PTPRD: variants seen among roughly 807,000 people sequenced by gnomAD.
PTPRD encodes protein tyrosine phosphatase receptor type D, also known as receptor-type tyrosine-protein phosphatase delta.
In PTPRD, 34 loss-of-function variants were observed where a neutral mutation model predicts 214.5. The ratio of observed to expected loss-of-function variants is 0.16; its 90% CI spans 0.12 to 0.21. The LOEUF (loss-of-function observed/expected upper bound fraction) is 0.21, where lower values mean the gene tolerates loss of function less well. Among genes scored for constraint, PTPRD ranks in the 10% least tolerant of loss-of-function variants. The probability of loss-of-function intolerance (pLI) is 1.00; values close to 1 mark genes in which losing one functional copy is unlikely to be tolerated. For missense variants in PTPRD, 2,545 were observed against 2,398.7 expected (o/e 1.06, Z -1.27); for synonymous variants, 1,128 against 845.7 (o/e 1.33, Z -5.79).
intron 9 of PTPRD, among the ~76,000 whole-genome samples, chr9:9,208,020 C>CTATTTTTTTTTTTTTTTTTTTTTTTTTTT: frequency 1.9e-5 from 1 of 53,260 alleles, no homozygotes; most frequent in Non-Finnish European, 3.8e-5. Flanking sequence ...TATATATCTG[C>CTATTTTTTTTTTTTTTTTTTTTTTTTTTT]TTTTTTTTTT....
At chr9:9,294,176 T>C (rs1280284066) in intron 9 of PTPRD, among the ~76,000 whole-genome samples, 2 of 151,656 alleles carry the variant, frequency 1.3e-5, no homozygotes, top group African/African-American at 4.8e-5. Context: ...CTACTAAGAA[T>C]GTTGTGAAAT....
intron 33 of PTPRD, among the ~76,000 whole-genome samples, chr9:8,458,511 C>A (rs1187971246): frequency 6.6e-6 from 1 of 151,964 alleles, no homozygotes; most frequent in Non-Finnish European, 1.5e-5. Context: ...GTTTTTTGAC[C>A]TACTCCCATA....
intron 27 of PTPRD, among the ~76,000 whole-genome samples, chr9:8,488,442 T>G (rs2097080932): frequency 6.6e-6 from 1 of 152,166 alleles, no homozygotes; most frequent in African/African-American, 2.4e-5. Flanking sequence ...ATAAAACATG[T>G]GTGTTGTGTT....
intron 9 of PTPRD, among the ~76,000 whole-genome samples, chr9:9,269,720 C>A (rs914817865): frequency 6.6e-6 from 1 of 151,144 alleles, no homozygotes; most frequent in African/African-American, 2.4e-5. Flanking sequence ...ATGGATGAAC[C>A]TGGAACACAT....
At chr9:10,237,723 G>T (rs1268406683) in intron 3 of PTPRD, among the ~76,000 whole-genome samples, 1 of 151,766 alleles carries the variant, frequency 6.6e-6, no homozygotes, top group Non-Finnish European at 1.5e-5. Context: ...CATGTTAAAT[G>T]AAAAACAAAA....
intron 12 of PTPRD, among the ~76,000 whole-genome samples, chr9:8,677,755 G>A (rs1014271592): frequency 6.6e-6 from 1 of 152,180 alleles, no homozygotes; most frequent in Non-Finnish European, 1.5e-5. Context: ...ATAGCAAAAT[G>A]TCTGATTTCC....
chr9:9,083,064 A>C lies in PTPRD; in HGVS notation c.-142-64329T>G, dbSNP rs377174847. Among the ~76,000 whole-genome samples the C allele has an allele frequency of 1.2e-4, 19 of 152,302 alleles. No homozygotes were observed. In the South Asian group the frequency reaches 3.7e-3, roughly 30 times the overall value. On this transcript the variant is annotated intron_variant, in intron 10 of 45. Coordinates refer to ENST00000381196, the MANE Select transcript of PTPRD (RefSeq NM_002839.4). The stretch of plus-strand genomic sequence containing the variant: ...TAGAAAAAACTACCTTAAATTTCAT[A>C]TGGAACCAGAAAAGAACCTGTATAG...
At chr9:8,552,286 A>T (rs1214590328) in intron 14 of PTPRD, among the ~76,000 whole-genome samples, 1 of 152,176 alleles carries the variant, frequency 6.6e-6, no homozygotes, top group Non-Finnish European at 1.5e-5. Flanking sequence ...TCTGGGAAAA[A>T]TCATTGTATG....
At chr9:9,103,423 A>AT (rs2099794059) in intron 10 of PTPRD, among the ~76,000 whole-genome samples, 1 of 152,140 alleles carries the variant, frequency 6.6e-6, no homozygotes, top group Admixed American at 6.5e-5. Flanking sequence ...AATTTTCGTA[A>AT]GTAATTATGG....
chr9:9,191,766 A>T (rs541778994), intron 9 of PTPRD, among the ~76,000 whole-genome samples: 12 of 152,220 alleles, frequency 7.9e-5, no homozygotes, highest in Middle Eastern at 3.4e-3. Flanking sequence ...ATTAATTAAT[A>T]AAATTTATAT....
chr9:9,767,883 G>C (rs1011313681), intron 5 of PTPRD, among the ~76,000 whole-genome samples: 8 of 152,048 alleles, frequency 5.3e-5, no homozygotes, highest in African/African-American at 1.9e-4. Context: ...ATGATTTAAG[G>C]GATTGGTTGT....
intron 12 of PTPRD, among the ~76,000 whole-genome samples, chr9:8,702,735 G>A (rs1382573008): frequency 1.3e-5 from 2 of 152,062 alleles, no homozygotes; most frequent in Non-Finnish European, 2.9e-5. Flanking sequence ...AGCCTCCCCA[G>A]TAGCTGGGAT....
At position 8,330,997 on chromosome 9, in the gene PTPRD, CTTGCTATTTAT is replaced by C. The variant is rs571245594; in HGVS notation, c.5534+574_5534+584del. ...TTATGGTGAATGTCTGAACTATTTA[CTTGCTATTTAT>C]TTCTATTAACTTCAATGACTTGAGT... On this transcript the variant is annotated intron_variant, in intron 44 of 45. Coordinates refer to ENST00000381196, the MANE Select transcript of PTPRD (RefSeq NM_002839.4). Among the ~76,000 whole-genome samples the C allele has an allele frequency of 2.2e-3, 336 of 151,364 alleles. 1 individual carries two copies. The highest frequency in any genetic ancestry group is 7.8e-3 in the African/African-American group (320 of 40,780).
At chr9:8,796,790 T>C (rs528459463) in intron 11 of PTPRD, among the ~76,000 whole-genome samples, 2 of 152,300 alleles carry the variant, frequency 1.3e-5, no homozygotes, top group African/African-American at 2.4e-5. Flanking sequence ...CAAGTTCCCA[T>C]AATTTATTTT....
intron 9 of PTPRD, among the ~76,000 whole-genome samples, chr9:9,391,376 T>G (rs1250782622): frequency 6.6e-6 from 1 of 152,182 alleles, no homozygotes; most frequent in Non-Finnish European, 1.5e-5. Flanking sequence ...ATAAAAAATA[T>G]AAGACTTGAT....
intron 10 of PTPRD, among the ~76,000 whole-genome samples, chr9:9,122,079 CA>C (rs1242522702): frequency 1.3e-5 from 2 of 152,058 alleles, no homozygotes; most frequent in South Asian, 4.1e-4. Context: ...TGATAGAAAA[CA>C]AAAAAAGTAG....
intron 2 of PTPRD, among the ~76,000 whole-genome samples, chr9:10,468,082 A>C (rs2099006272): frequency 6.6e-6 from 1 of 152,220 alleles, no homozygotes; most frequent in Non-Finnish European, 1.5e-5. Context: ...CCATTGTGGA[A>C]GACAATGTGG....
chr9:10,122,271 G>A lies in PTPRD; in HGVS notation c.-544-88481C>T, dbSNP rs184257442. Among the ~76,000 whole-genome samples the A allele has an allele frequency of 3.9e-5, 6 of 152,214 alleles. No homozygotes were observed. In the East Asian group the frequency reaches 5.8e-4, roughly 15 times the overall value. On this transcript the variant is annotated intron_variant, in intron 3 of 45. Transcript: ENST00000381196. Reference sequence around the variant, plus strand: ...TGCAGTGAGCTGAGATTGTGTCACTGCACTCCAGCCTTGGCAATGGAGCAA... The same window carrying A: ...TGCAGTGAGCTGAGATTGTGTCACTACACTCCAGCCTTGGCAATGGAGCAA...
intron 8 of PTPRD, among the ~76,000 whole-genome samples, chr9:9,546,901 T>C (rs2078929110): frequency 6.6e-6 from 1 of 151,658 alleles, no homozygotes; most frequent in African/African-American, 2.4e-5. Flanking sequence ...AATGGAACCC[T>C]ATTACATGGG....
Sources: gnomAD v4.1 joint callset for allele counts (sites outside exome capture counted in the v4.1 genomes callset) on GRCh38, gnomAD v4.1.1 for gene constraint, MANE v1.5 for transcripts, NCBI Gene and HGNC (gene_info 2026-07-23, HGNC 2026-07-21) for gene names.